ADAM12: variants seen among roughly 807,000 people sequenced by gnomAD.
ADAM12 encodes disintegrin and metalloproteinase domain-containing protein 12.
A neutral mutation model predicts 106.4 loss-of-function variants in ADAM12; 70 were observed. That is an observed-to-expected ratio of 0.66 (90% CI 0.54 to 0.80). ADAM12 has a LOEUF of 0.80. ADAM12 is among the 30% of genes least tolerant of loss of function. ADAM12 has a pLI of 0.00. For synonymous variants in ADAM12, 420 were observed against 433.5 expected, an observed-to-expected ratio of 0.97 and a Z score of 0.39; for missense variants, 1,010 against 1,171.9, an observed-to-expected ratio of 0.86 and a Z score of 2.02.
rs563758270 is a variant in ADAM12, at chr10:126,046,927, G to A, written c.1918-795C>T. On this transcript the variant is annotated intron_variant, in intron 16 of 22. Transcript: ENST00000448723. ...CAGGGTTGAAGAGTCTTTTAAGGGA[G>A]AGGTTGAAATATGGGAACTTTTTCC... 2.0e-5 allele frequency among the ~76,000 whole-genome samples: 3 copies of A among 152,038 alleles called. No homozygotes were observed. The East Asian group carries it at 5.8e-4, about 29-fold the overall frequency.
rs202077369 is a variant in ADAM12, at chr10:126,081,375, T to TG, written c.1146-9722dup. 4.8e-5 allele frequency among the ~76,000 whole-genome samples: 5 copies of TG among 104,410 alleles called. No individual in the cohort carries two copies. The South Asian group carries it at 1.2e-3, about 24-fold the overall frequency. The allele number at this position is 104,410 out of a possible 152,430, so 68.5% of individuals were successfully genotyped here. On this transcript the variant is annotated intron_variant, in intron 11 of 22. Coordinates refer to ENST00000448723, the MANE Select transcript of ADAM12 (RefSeq NM_001288973.2). ...TCCAGATTTTTCAGTTTAAACTGAT[T>TG]GGGGGAAAAAAACAAAACAAAACAA... is the stretch of plus-strand genomic sequence containing the variant.
At chr10:126,086,210 G>GCT (rs1305346825) in intron 11 of ADAM12, among the ~76,000 whole-genome samples, 1 of 152,090 alleles carries the variant, frequency 6.6e-6, no homozygotes, top group Non-Finnish European at 1.5e-5. Context: ...CAGGGACATG[G>GCT]CTCTGTACTG....
chr10:126,218,850 G>A (rs1348082976), intron 3 of ADAM12, among the ~76,000 whole-genome samples: 6 of 152,166 alleles, frequency 3.9e-5, no homozygotes, highest in African/African-American at 1.2e-4. Context: ...GAGATGTCCG[G>A]GGTTATGATA....
chr10:126,336,120 T>C (rs1854690116), intron 1 of ADAM12, among the ~76,000 whole-genome samples: 1 of 152,116 alleles, frequency 6.6e-6, no homozygotes. Context: ...TAATTTAAAA[T>C]ACTATGCAAA....
chr10:126,288,401 C>T (rs1366113625), intron 2 of ADAM12, among the ~76,000 whole-genome samples: 1 of 152,180 alleles, frequency 6.6e-6, no homozygotes, highest in Non-Finnish European at 1.5e-5. Flanking sequence ...CATCCTCCTG[C>T]TCAGTTTATT....
chr10:126,202,331 T>G (rs1022245004), intron 3 of ADAM12, among the ~76,000 whole-genome samples: 3 of 152,278 alleles, frequency 2.0e-5, no homozygotes, highest in Non-Finnish European at 2.9e-5. Flanking sequence ...TTCTGACTAT[T>G]ACCACTTTTA....
At chr10:126,245,293 G>T (rs1482083290) in intron 3 of ADAM12, among the ~76,000 whole-genome samples, 5 of 152,332 alleles carry the variant, frequency 3.3e-5, no homozygotes, top group African/African-American at 1.2e-4. Context: ...CTGCAGCCAG[G>T]CAAGGAAGAG....
intron 13 of ADAM12, 71 bp from the exon 14 acceptor site, chr10:126,065,072 G>A: frequency 6.8e-7 from 1 of 1,477,904 alleles, no homozygotes. Flanking sequence ...CATTACTCCT[G>A]GGCTGGAGTG....
chr10:126,144,407 C>T (rs1956586523), intron 4 of ADAM12, among the ~76,000 whole-genome samples: 1 of 152,134 alleles, frequency 6.6e-6, no homozygotes, highest in Non-Finnish European at 1.5e-5. Flanking sequence ...ATATTTTAAA[C>T]CCACTCTGCT....
chr10:126,336,465 A>AC (rs1299256869), intron 1 of ADAM12, among the ~76,000 whole-genome samples: 1 of 152,214 alleles, frequency 6.6e-6, no homozygotes, highest in African/African-American at 2.4e-5. Context: ...AAGATGCAGT[A>AC]CCTGCAGGCA....
In ADAM12 at chr10:126,014,466, C is replaced by G. The variant is rs1025639409; in HGVS notation, c.*2813G>C. 6.8e-6 allele frequency: 1 copy of G among 146,450 alleles called. No individual in the cohort carries two copies. Among genetic ancestry groups the G allele is most frequent in the African/African-American group, 2.6e-5 (1 of 39,122 alleles). 9.1% of individuals were successfully genotyped at this position (146,450 alleles called of 1,614,324 possible). Reference sequence around the variant, plus strand: ...CTCGTCAGGAGTATTGACTCTCCTACAGTTTAATTTGCTGCTTTTGTGGTT... The same window carrying G: ...CTCGTCAGGAGTATTGACTCTCCTAGAGTTTAATTTGCTGCTTTTGTGGTT... On this transcript the variant is annotated 3_prime_UTR_variant, in exon 23 of 23. Coordinates refer to ENST00000448723, the MANE Select transcript of ADAM12 (RefSeq NM_001288973.2).
At chr10:126,077,973 A>G (rs1358831267) in intron 11 of ADAM12, among the ~76,000 whole-genome samples, 1 of 152,240 alleles carries the variant, frequency 6.6e-6, no homozygotes, top group Non-Finnish European at 1.5e-5. Context: ...AATTTAATAA[A>G]TGAAAATTAC....
chr10:126,178,399 G>A (rs1299394300), intron 3 of ADAM12, among the ~76,000 whole-genome samples: 6 of 141,446 alleles, frequency 4.2e-5, no homozygotes, highest in Non-Finnish European at 9.0e-5. Flanking sequence ...AGTCCTCATT[G>A]GAGGACATCT....
At chr10:126,321,260 C>T (rs936036604) in intron 2 of ADAM12, among the ~76,000 whole-genome samples, 1 of 152,094 alleles carries the variant, frequency 6.6e-6, no homozygotes, top group Non-Finnish European at 1.5e-5. Flanking sequence ...ATCATGATAT[C>T]TCCTGCATTA....
intron 14 of ADAM12, among the ~76,000 whole-genome samples, chr10:126,063,141 T>C (rs1278276): frequency 0.71 from 108,014 of 152,090 alleles, 40,082 homozygotes; most frequent in African/African-American, 0.92. Context: ...AAGGATGAAG[T>C]ACTAAGGGCC....
chr10:126,017,423 A>T, intron 22 of ADAM12, 84 bp from the exon 23 acceptor site: 1 of 1,308,854 alleles, frequency 7.6e-7, no homozygotes, highest in Non-Finnish European at 1.1e-6. Context: ...TTGGAGATGT[A>T]TTCTGATAGT....
intron 1 of ADAM12, among the ~76,000 whole-genome samples, chr10:126,340,201 T>C (rs1358432103): frequency 6.6e-6 from 1 of 152,202 alleles, no homozygotes; most frequent in Non-Finnish European, 1.5e-5. Flanking sequence ...AATGGACACA[T>C]TCTCTGCCTA....
intron 11 of ADAM12, among the ~76,000 whole-genome samples, chr10:126,082,153 T>C (rs563893750): frequency 5.3e-5 from 8 of 152,258 alleles, no homozygotes; most frequent in African/African-American, 1.9e-4. Context: ...AAAAACGCCA[T>C]TTAGATGGCT....
chr10:126,112,932 C>T (rs768122646), intron 6 of ADAM12, among the ~76,000 whole-genome samples: 5 of 152,138 alleles, frequency 3.3e-5, no homozygotes, highest in South Asian at 2.1e-4. Context: ...AACCCATATT[C>T]GGGAAATCCA....
Sources: allele counts gnomAD v4.1 joint callset (sites outside exome capture counted in the v4.1 genomes callset), GRCh38; gene constraint gnomAD v4.1.1; transcripts MANE v1.5; gene names NCBI Gene and HGNC (gene_info 2026-07-23, HGNC 2026-07-21).